HFE: variants seen among roughly 807,000 people sequenced by gnomAD.
HFE encodes homeostatic iron regulator, also known as hereditary hemochromatosis protein.
A neutral mutation model predicts 40.9 loss-of-function variants in HFE; 36 were observed. The observed-to-expected ratio is 0.88, with a 90% CI of 0.67 to 1.16. The LOEUF (loss-of-function observed/expected upper bound fraction) is 1.16. HFE is among the 50% of genes most tolerant of loss of function. The pLI is 0.00. For missense variants in HFE, 376 were observed against 432.0 expected (o/e 0.87, Z 1.15); for synonymous variants, 157 against 165.4 (o/e 0.95, Z 0.39).
chr6:26,092,886 C>A lies in HFE; in HGVS notation c.818C>A (p.Pro273His). The stretch of plus-strand genomic sequence containing the variant: ...CAGGGCTGGATAACCTTGGCTGTAC[C>A]CCCTGGGGAAGAGCAGAGATATACG... ...TYQGWITLAV[P>H]PGEEQRYTCQ... is the part of the protein sequence containing the mutation. Residue 273 changes from proline to histidine, a missense_variant, in exon 4 of 6, where the codon CCC becomes CAC. Coordinates refer to ENST00000357618, the MANE Select transcript of HFE (RefSeq NM_000410.4). The A allele has an allele frequency of 1.2e-6, 2 of 1,614,124 alleles. No homozygotes were observed. The highest frequency in any genetic ancestry group is 1.7e-6 in the Non-Finnish European group (2 of 1,180,010).
Position 26,092,940 on chromosome 6 carries a change from A to C in HFE, c.872A>C (p.Gln291Pro), listed in dbSNP as rs767411177. The change falls in exon 4 of 6, where the codon CAG becomes CCG. Residue 291 changes from glutamine to proline, a missense_variant. Physicochemically the swap from Gln to Pro is moderately conservative, Grantham distance 76. Around this residue, in one of 3 missense-constraint regions of HFE, gnomAD observed 173 missense variants for 186.9 expected, o/e 0.93. Coordinates refer to ENST00000357618, the MANE Select transcript of HFE (RefSeq NM_000410.4). ...TCQVEHPGLD[Q>P]PLIVIWEPSP... ...CAGGTGGAGCACCCAGGCCTGGATC[A>C]GCCCCTCATTGTGATCTGGGGTATG... The C allele has an allele frequency of 1.2e-6, 2 of 1,614,148 alleles. No individual in the cohort carries two copies. The highest frequency in any genetic ancestry group is 3.3e-5 in the Admixed American group (2 of 60,026).
chr6:26,092,636 G>T, intron 3 of HFE, 49 bp from the exon 4 acceptor site: 1 of 1,613,942 alleles, frequency 6.2e-7, no homozygotes, highest in Admixed American at 1.7e-5. Flanking sequence ...AGTCTTCCTG[G>T]CAAGGGTAAA....
In HFE at chr6:26,091,337, C is replaced by A; in HGVS notation, c.364C>A (p.Leu122Met). 6.2e-7 allele frequency: 1 copy of A among 1,614,086 alleles called. No homozygotes were observed. Among genetic ancestry groups the A allele is most frequent in the Non-Finnish European group, 8.5e-7 (1 of 1,179,996 alleles). ...AGAGTCCCACACCCTGCAGGTCATC[C>A]TGGGCTGTGAAATGCAAGAAGACAA... Reference protein sequence around the residue: ...SKESHTLQVILGCEMQEDNST... With the variant: ...SKESHTLQVIMGCEMQEDNST... The change falls in exon 3 of 6, where the codon CTG becomes ATG. Residue 122 changes from leucine (L) to methionine (M), a missense_variant. Around this residue, in one of 3 missense-constraint regions of HFE, gnomAD observed 200 missense variants for 228.5 expected, o/e 0.88. Transcript: ENST00000357618.
intron 5 of HFE, 64 bp downstream of exon 5, chr6:26,093,296 C>CAG: frequency 8.9e-7 from 1 of 1,125,508 alleles, no homozygotes; most frequent in South Asian, 1.2e-5. Flanking sequence ...GGAAGAGGGG[C>CAG]AGAGGGGATC....
At chr6:26,090,471 A>AAAAAAC (rs1762616116) in intron 1 of HFE, among the ~76,000 whole-genome samples, 2 of 144,496 alleles carry the variant, frequency 1.4e-5, no homozygotes, top group Non-Finnish European at 3.0e-5. Context: ...AAAAAAAAAA[A>AAAAAAC]CTGAAGGAAT....
intron 1 of HFE, among the ~76,000 whole-genome samples, chr6:26,088,731 G>T (rs1762459547): frequency 6.6e-6 from 1 of 152,174 alleles, no homozygotes; most frequent in Admixed American, 6.5e-5. Context: ...CTGCATTAGA[G>T]GTTGAATAAT....
chr6:26,087,751 C>T (rs1241887297), intron 1 of HFE, among the ~76,000 whole-genome samples: 1 of 152,158 alleles, frequency 6.6e-6, no homozygotes, highest in African/African-American at 2.4e-5. Flanking sequence ...CCCGGCTCTG[C>T]GGAGTGACTT....
chr6:26,088,834 A>G (rs1762465475), intron 1 of HFE, among the ~76,000 whole-genome samples: 1 of 152,206 alleles, frequency 6.6e-6, no homozygotes, highest in Non-Finnish European at 1.5e-5. Flanking sequence ...GGGAGAGAGC[A>G]GGGAAACAAG....
chr6:26,092,766 A>T lies in HFE; in HGVS notation c.698A>T (p.Gln233Leu). 1 of 1,614,218 alleles carries T rather than the reference A, an allele frequency of 6.2e-7. No homozygotes were observed. Among genetic ancestry groups the T allele is most frequent in the Non-Finnish European group, 8.5e-7 (1 of 1,180,032 alleles). ...LRCRALNYYP[Q>L]NITMKWLKDK... ...TGTCGGGCCTTGAACTACTACCCCC[A>T]GAACATCACCATGAAGTGGCTGAAG... is the stretch of plus-strand genomic sequence containing the variant. Residue 233 changes from glutamine (Q) to leucine (L), a missense_variant, in exon 4 of 6, where the codon CAG becomes CTG. Transcript: ENST00000357618.
Position 26,092,943 on chromosome 6 carries a change from C to A in HFE, c.875C>A (p.Pro292His). Residue 292 changes from proline (P) to histidine (H), a missense_variant, in exon 4 of 6, where the codon CCC becomes CAC. This residue lies in a region of HFE where 173 missense variants were observed against 186.9 expected (regional missense o/e 0.93). Coordinates refer to ENST00000357618, the MANE Select transcript of HFE (RefSeq NM_000410.4). The part of the protein sequence containing the change: ...CQVEHPGLDQ[P>H]LIVIWEPSPS... ...GTGGAGCACCCAGGCCTGGATCAGC[C>A]CCTCATTGTGATCTGGGGTATGTGA... 1 of 1,614,012 alleles carries A rather than the reference C, an allele frequency of 6.2e-7. No individual in the cohort carries two copies. The highest frequency in any genetic ancestry group is 1.3e-5 in the African/African-American group (1 of 74,994).
chr6:26,091,600 A>C lies in HFE; in HGVS notation c.616+11A>C. ...TTTTGGACCAACAAGGTATGGTGGA[A>C]ACACACTTCTGCCCCTATACTCTAG... On this transcript the variant is annotated intron_variant, in intron 3 of 5. Transcript: ENST00000357618. 1 of 1,612,228 alleles carries C rather than the reference A, an allele frequency of 6.2e-7. No individual in the cohort carries two copies. The highest frequency in any genetic ancestry group is 8.5e-7 in the Non-Finnish European group (1 of 1,179,794).
Position 26,093,180 on chromosome 6 carries a change from C to T in HFE, c.954C>T (p.Val318=). 6.2e-7 allele frequency: 1 copy of T among 1,614,094 alleles called. No individual in the cohort carries two copies. Among genetic ancestry groups the T allele is most frequent in the Non-Finnish European group, 8.5e-7 (1 of 1,179,990 alleles). ...GVISGIAVFV[V]ILFIGILFII... Reference sequence around the variant, plus strand: ...TCAGTGGAATTGCTGTTTTTGTCGTCATCTTGTTCATTGGAATTTTGTTCA... The same window carrying T: ...TCAGTGGAATTGCTGTTTTTGTCGTTATCTTGTTCATTGGAATTTTGTTCA... Residue 318 remains valine (V), a synonymous_variant, in exon 5 of 6, where the codon GTC becomes GTT. Transcript: ENST00000357618.
At chr6:26,094,125 GAA>G in intron 5 of HFE, 59 bp from the exon 6 acceptor site, 1 of 1,492,386 alleles carries the variant, frequency 6.7e-7, no homozygotes, top group Admixed American at 1.7e-5. Flanking sequence ...AAGGAAGAGA[GAA>G]GAGGCAAGAT....
intron 1 of HFE, among the ~76,000 whole-genome samples, chr6:26,088,002 G>A (rs551888998): frequency 2.6e-4 from 40 of 152,336 alleles, no homozygotes; most frequent in African/African-American, 8.2e-4. Flanking sequence ...CAGAACGAAT[G>A]CGTTGGGCGG....
At position 26,094,218 on chromosome 6, in the gene HFE, C is replaced by T. The variant is rs780575699; in HGVS notation, c.1039C>T (p.Arg347Cys). The T allele has an allele frequency of 6.2e-6, 10 of 1,614,038 alleles. No individual in the cohort carries two copies. The highest frequency in any genetic ancestry group is 1.7e-5 in the Admixed American group (1 of 60,020). The part of the protein sequence containing the change: ...GAMGHYVLAE[R>C]E ...CATGGGGCACTACGTCTTAGCTGAACGTGAGTGACACGCAGCCTGCAGACT... is the reference window on the plus strand; with the variant it reads ...CATGGGGCACTACGTCTTAGCTGAATGTGAGTGACACGCAGCCTGCAGACT... The change falls in exon 6 of 6, where the codon CGT (arginine) becomes TGT (cysteine). Residue 347 changes from arginine to cysteine, a missense_variant. Physicochemically the swap from Arg to Cys is radical, Grantham distance 180. Transcript: ENST00000357618.
At chr6:26,091,622 C>G (rs1581668696) in intron 3 of HFE, 33 bp downstream of exon 3, 1 of 1,605,520 alleles carries the variant, frequency 6.2e-7, no homozygotes, top group South Asian at 1.1e-5. Context: ...CCCCTATACT[C>G]TAGTGGCAGA....
intron 2 of HFE, 41 bp downstream of exon 2, chr6:26,091,145 G>A: frequency 1.2e-6 from 2 of 1,613,208 alleles, no homozygotes. Context: ...GGTTGTCAGA[G>A]CTTTTCATCT....
chr6:26,091,949 C>T lies in HFE; in HGVS notation c.616+360C>T, dbSNP rs148648993. Among the ~76,000 whole-genome samples the T allele has an allele frequency of 2.0e-4, 30 of 151,906 alleles. No individual in the cohort carries two copies. The East Asian group carries it at 4.6e-3, about 24-fold the overall frequency. Reference sequence around the variant, plus strand: ...ATCCCAGCACTTTGGGAGGCCGAGGCGGGTGGTCACAAGGTCAGGAGTTTG... The same window carrying T: ...ATCCCAGCACTTTGGGAGGCCGAGGTGGGTGGTCACAAGGTCAGGAGTTTG... On this transcript the variant is annotated intron_variant, in intron 3 of 5. Transcript: ENST00000357618.
intron 1 of HFE, among the ~76,000 whole-genome samples, 159 bp downstream of exon 1, chr6:26,087,675 G>C (rs1295096585): frequency 2.6e-5 from 4 of 152,190 alleles, no homozygotes; most frequent in Admixed American, 2.6e-4. Flanking sequence ...CCCCGTGAGG[G>C]AGTGCCTACC....
Sources: allele counts gnomAD v4.1 joint callset (sites outside exome capture counted in the v4.1 genomes callset), GRCh38; gene constraint gnomAD v4.1.1; regional missense constraint gnomAD v4.1.1; transcripts MANE v1.5; gene names NCBI Gene and HGNC (gene_info 2026-07-23, HGNC 2026-07-21).